The following LGR4 variants were observed in gnomAD, a reference collection of about 807,000 sequenced individuals.
LGR4 encodes the protein leucine-rich repeat-containing G protein-coupled receptor 4.
Under a neutral mutation model 84.8 loss-of-function variants are expected in LGR4, and 44 were observed. The observed-to-expected ratio is 0.52, with a 90% CI of 0.41 to 0.67. LGR4 has a LOEUF of 0.67. Ranked by LOEUF, LGR4 falls within the 30% of genes least tolerant of loss-of-function variation. The pLI is 0.00. For missense variants in LGR4, 1,032 were observed against 1,131.4 expected (o/e 0.91, Z 1.26); for synonymous variants, 429 against 434.3 (o/e 0.99, Z 0.15).
intron 1 of LGR4, among the ~76,000 whole-genome samples, chr11:27,422,372 T>G (rs1863937132): frequency 6.6e-6 from 1 of 152,176 alleles, no homozygotes; most frequent in South Asian, 2.1e-4. Context: ...AAAACTTCTG[T>G]TTAGACGCGT....
intron 1 of LGR4, among the ~76,000 whole-genome samples, chr11:27,441,313 A>C (rs1864300913): frequency 6.6e-6 from 1 of 151,508 alleles, no homozygotes. Flanking sequence ...AAACCATTAC[A>C]TCTAAGCAGT....
rs929770431 is a variant in LGR4, at chr11:27,391,624, G to A, written c.330-459C>T. Among the ~76,000 whole-genome samples, 5 of 152,042 alleles carry A rather than the reference G, an allele frequency of 3.3e-5. No homozygotes were observed. The South Asian group carries it at 6.2e-4, about 19-fold the overall frequency. On this transcript the variant is annotated intron_variant, in intron 3 of 17. Coordinates refer to ENST00000379214, the MANE Select transcript of LGR4 (RefSeq NM_018490.5). ...TTAGGTAAAGCCAATTTTTTCAAGC[G>A]GATGGCAGATCCCAAGCTCTTAAGG...
At position 27,393,175 on chromosome 11, in the gene LGR4, T is replaced by C. The variant is rs147843061; in HGVS notation, c.258-657A>G. On this transcript the variant is annotated intron_variant, in intron 2 of 17. Coordinates refer to ENST00000379214, the MANE Select transcript of LGR4 (RefSeq NM_018490.5). The stretch of plus-strand genomic sequence containing the variant: ...TTTTGTAAGAAATCTGAGCACCCAA[T>C]TCATACTGAGCCCTACTTTTCCTCC... Among the ~76,000 whole-genome samples, 17 of 152,270 alleles carry C rather than the reference T, an allele frequency of 1.1e-4. No homozygotes were observed. The East Asian group carries it at 3.1e-3, about 28-fold the overall frequency.
chr11:27,440,528 G>C (rs1350634003), intron 1 of LGR4, among the ~76,000 whole-genome samples: 1 of 152,142 alleles, frequency 6.6e-6, no homozygotes, highest in South Asian at 2.1e-4. Context: ...TTCAATACAA[G>C]TTCAATGGTT....
At chr11:27,404,366 T>C (rs142072677) in intron 2 of LGR4, among the ~76,000 whole-genome samples, 44 of 152,342 alleles carry the variant, frequency 2.9e-4, no homozygotes, top group Middle Eastern at 3.4e-3. Context: ...CTAAGCACTA[T>C]GGGACAAAAT....
At chr11:27,460,843 A>C (rs191895142) in intron 1 of LGR4, among the ~76,000 whole-genome samples, 101 of 152,160 alleles carry the variant, frequency 6.6e-4, no homozygotes, top group African/African-American at 2.3e-3. Context: ...CAAGCTATTC[A>C]TGTGTAACCA....
chr11:27,373,427 T>C (rs1862921355), intron 15 of LGR4, 124 bp downstream of exon 15: 4 of 912,088 alleles, frequency 4.4e-6, no homozygotes, highest in African/African-American at 3.3e-5. Context: ...AAGACTGACG[T>C]AGAAAACACC....
chr11:27,454,013 A>G (rs1394686174), intron 1 of LGR4, among the ~76,000 whole-genome samples: 2 of 152,220 alleles, frequency 1.3e-5, no homozygotes. Flanking sequence ...AATACAATCT[A>G]TTCTCTTTGA....
intron 1 of LGR4, among the ~76,000 whole-genome samples, chr11:27,439,901 CTTTTTTTTTTT>C (rs1164372130): frequency 9.9e-6 from 1 of 100,726 alleles, no homozygotes; most frequent in Non-Finnish European, 2.2e-5. Flanking sequence ...TAGGATTTCT[CTTTTTTTTTTT>C]TTTTTTTTTT....
chr11:27,412,559 T>C (rs1341895564), intron 2 of LGR4, among the ~76,000 whole-genome samples: 1 of 152,150 alleles, frequency 6.6e-6, no homozygotes, highest in African/African-American at 2.4e-5. Context: ...AGAAGTCCTA[T>C]GGAAGTAGCA....
At chr11:27,469,366 G>C (rs1864831255) in intron 1 of LGR4, among the ~76,000 whole-genome samples, 1 of 152,190 alleles carries the variant, frequency 6.6e-6, no homozygotes, top group Non-Finnish European at 1.5e-5. Context: ...TGCTGAGAAT[G>C]AATCTGAAAA....
At chr11:27,382,870 A>G (rs1448176503) in intron 6 of LGR4, among the ~76,000 whole-genome samples, 2 of 152,166 alleles carry the variant, frequency 1.3e-5, no homozygotes. Flanking sequence ...TACCAAAATT[A>G]GCAGGGCATG....
At chr11:27,386,183 C>T (rs1261019575) in intron 4 of LGR4, among the ~76,000 whole-genome samples, 2 of 152,118 alleles carry the variant, frequency 1.3e-5, no homozygotes, top group Non-Finnish European at 2.9e-5. Context: ...AAAGGTTCTT[C>T]AATTTTTCCA....
At chr11:27,447,062 C>T (rs546285011) in intron 1 of LGR4, among the ~76,000 whole-genome samples, 20 of 151,904 alleles carry the variant, frequency 1.3e-4, no homozygotes, top group Non-Finnish European at 2.5e-4. Context: ...GGAGGGATAG[C>T]ATTAGGAGAT....
At chr11:27,446,327 C>T (rs896364562) in intron 1 of LGR4, among the ~76,000 whole-genome samples, 1 of 152,158 alleles carries the variant, frequency 6.6e-6, no homozygotes, top group Non-Finnish European at 1.5e-5. Context: ...GCTGCCATTG[C>T]TTTTGGTGTT....
intron 2 of LGR4, among the ~76,000 whole-genome samples, chr11:27,401,086 A>G (rs963693132): frequency 3.9e-4 from 60 of 152,248 alleles, no homozygotes; most frequent in Admixed American, 3.0e-3. Flanking sequence ...ATGAATTAAG[A>G]AACCCTTATT....
intron 1 of LGR4, among the ~76,000 whole-genome samples, chr11:27,438,670 T>A: frequency 6.6e-6 from 1 of 152,156 alleles, no homozygotes; most frequent in East Asian, 1.9e-4. Flanking sequence ...ATCCAATCTG[T>A]TGAAGGTTAG....
intron 1 of LGR4, among the ~76,000 whole-genome samples, chr11:27,436,750 A>G (rs191909958): frequency 8.0e-4 from 122 of 152,282 alleles, no homozygotes; most frequent in African/African-American, 2.9e-3. Context: ...CCACTCACTC[A>G]CCACAGGTGT....
At chr11:27,380,740 T>A in intron 8 of LGR4, 29 bp from the exon 9 acceptor site, 1 of 1,470,194 alleles carries the variant, frequency 6.8e-7, no homozygotes, top group Non-Finnish European at 9.5e-7. Flanking sequence ...AAAGTAAAAT[T>A]TTCATATGTT....
Sources: allele counts gnomAD v4.1 joint callset (sites outside exome capture counted in the v4.1 genomes callset), GRCh38; gene constraint gnomAD v4.1.1; transcripts MANE v1.5; gene names NCBI Gene and HGNC (gene_info 2026-07-23, HGNC 2026-07-21).